Variants in FYB1 observed in about 807,000 individuals in gnomAD.
The protein encoded by FYB1 is FYN-binding protein 1.
In FYB1, 41 loss-of-function variants were observed where a neutral mutation model predicts 94.1. The observed-to-expected ratio is 0.44, with a 90% CI of 0.34 to 0.57. The LOEUF (loss-of-function observed/expected upper bound fraction) is 0.57, where lower values mean the gene tolerates loss of function less well. Among genes scored for constraint, FYB1 ranks in the 20% least tolerant of loss-of-function variants. The pLI, the probability that FYB1 is intolerant of heterozygous loss-of-function variation, is 0.02. For synonymous variants in FYB1, 367 were observed against 353.2 expected (o/e 1.04, Z -0.44); for missense variants, 1,050 against 976.8 (o/e 1.07, Z -1.00).
intron 3 of FYB1, among the ~76,000 whole-genome samples, chr5:39,147,292 C>T (rs1236277013): frequency 1.3e-5 from 2 of 150,628 alleles, no homozygotes; most frequent in Non-Finnish European, 3.0e-5. Context: ...TTTTTGGAGA[C>T]AGGATCTTAC....
At chr5:39,139,319 G>C in intron 4 of FYB1, 67 bp from the exon 5 acceptor site, 1 of 1,226,818 alleles carries the variant, frequency 8.2e-7, no homozygotes. Context: ...TAAGATTATT[G>C]GATATGATAT....
chr5:39,219,472 G>A lies in FYB1; in HGVS notation c.-57C>T. 4 of 985,540 alleles carry A rather than the reference G, an allele frequency of 4.1e-6. No individual in the cohort carries two copies. Among genetic ancestry groups the A allele is most frequent in the Non-Finnish European group, 4.8e-6 (4 of 829,948 alleles). 61.0% of individuals were successfully genotyped at this position (985,540 alleles called of 1,614,324 possible). On this transcript the variant is annotated 5_prime_UTR_variant, in exon 1 of 19. Coordinates refer to ENST00000512982, the MANE Select transcript of FYB1 (RefSeq NM_001465.6). Reference sequence around the variant, plus strand: ...CTCCTGCAGAAGAAGGCGGAAGGATGGCCTCCTTTAGTGGATCTTCCTGGG... The same window carrying A: ...CTCCTGCAGAAGAAGGCGGAAGGATAGCCTCCTTTAGTGGATCTTCCTGGG...
intron 4 of FYB1, chr5:39,139,687 T>C (rs1292746921): frequency 6.6e-6 from 1 of 152,442 alleles, no homozygotes; most frequent in Non-Finnish European, 1.5e-5. Flanking sequence ...GAGTTCAGTG[T>C]AATATCAAAA....
At chr5:39,207,546 A>G (rs189419522) in intron 1 of FYB1, among the ~76,000 whole-genome samples, 1 of 152,370 alleles carries the variant, frequency 6.6e-6, no homozygotes, top group Non-Finnish European at 1.5e-5. Context: ...TAAACAGTTA[A>G]AGGCTGAGAT....
intron 1 of FYB1, among the ~76,000 whole-genome samples, chr5:39,254,325 G>A (rs749459917): frequency 3.9e-5 from 6 of 152,086 alleles, no homozygotes; most frequent in African/African-American, 7.2e-5. Flanking sequence ...GTGTATAAGC[G>A]TTCTTTTTTC....
chr5:39,259,334 G>A (rs567814859), intron 1 of FYB1, among the ~76,000 whole-genome samples: 1 of 152,340 alleles, frequency 6.6e-6, no homozygotes, highest in Non-Finnish European at 1.5e-5. Flanking sequence ...CACAGCACCA[G>A]GAGCTAGGCC....
At chr5:39,153,681 G>A (rs1743467369) in intron 2 of FYB1, 77 bp from the exon 3 acceptor site, 1 of 1,407,750 alleles carries the variant, frequency 7.1e-7, no homozygotes, top group East Asian at 2.3e-5. Context: ...AACATAGTTG[G>A]CTACAGATAA....
At chr5:39,130,736 G>GACATTTTA in intron 9 of FYB1, 124 bp from the exon 10 acceptor site, 1 of 746,758 alleles carries the variant, frequency 1.3e-6, no homozygotes, top group Non-Finnish European at 2.3e-6. Context: ...TTCTTAGAAT[G>GACATTTTA]CTATATGTAA....
intron 1 of FYB1, among the ~76,000 whole-genome samples, chr5:39,266,706 C>T (rs1333654674): frequency 6.6e-6 from 1 of 152,138 alleles, no homozygotes; most frequent in African/African-American, 2.4e-5. Flanking sequence ...CTTTCTGGAT[C>T]CTGGGATAAA....
intron 2 of FYB1, among the ~76,000 whole-genome samples, chr5:39,185,913 A>G (rs925283001): frequency 1.3e-5 from 2 of 152,174 alleles, no homozygotes; most frequent in South Asian, 4.1e-4. Context: ...TGACTTCTAC[A>G]CAACAGAAAT....
At chr5:39,230,927 CTGAT>C (rs1043540748) in intron 1 of FYB1, among the ~76,000 whole-genome samples, 2 of 151,532 alleles carry the variant, frequency 1.3e-5, no homozygotes, top group Admixed American at 6.6e-5. Context: ...AATGGAATGA[CTGAT>C]TGTCCCAGGC....
At chr5:39,187,048 C>T (rs1208046304) in intron 2 of FYB1, among the ~76,000 whole-genome samples, 1 of 152,160 alleles carries the variant, frequency 6.6e-6, no homozygotes, top group Non-Finnish European at 1.5e-5. Flanking sequence ...AAAACTCCTA[C>T]ATTCTTCAAA....
At position 39,119,573 on chromosome 5, in the gene FYB1, G is replaced by T; in HGVS notation, c.2200C>A (p.Gln734Lys). 6.5e-7 allele frequency: 1 copy of T among 1,546,300 alleles called. No individual in the cohort carries two copies. Among genetic ancestry groups the T allele is most frequent in the Admixed American group, 2.0e-5 (1 of 49,626 alleles). ...CTGAAGTCTTTTTCTTCTTTTTCCT[G>T]CTTTTTTAGCTTCTTAAGGTCCTTT... ...EEKDLKKLKK[Q>K]EKEEKDFRKK... The change falls in exon 15 of 19, where the codon CAG becomes AAG. Residue 734 changes from glutamine (Q) to lysine (K), a missense_variant. Gln to Lys is a moderately conservative substitution (Grantham distance 53). Coordinates refer to ENST00000512982, the MANE Select transcript of FYB1 (RefSeq NM_001465.6).
intron 17 of FYB1, among the ~76,000 whole-genome samples, chr5:39,109,412 T>C (rs1250523384): frequency 6.6e-6 from 1 of 152,132 alleles, no homozygotes; most frequent in African/African-American, 2.4e-5. Context: ...TAATCACTGA[T>C]GGAGATGTTG....
chr5:39,265,978 GTTT>G (rs142472884), intron 1 of FYB1, among the ~76,000 whole-genome samples: 1 of 134,212 alleles, frequency 7.5e-6, no homozygotes, highest in Non-Finnish European at 1.6e-5. Context: ...AATTTTTACT[GTTT>G]TTTTTTTTTT....
intron 2 of FYB1, among the ~76,000 whole-genome samples, chr5:39,175,573 T>C (rs955714949): frequency 6.6e-6 from 1 of 152,210 alleles, no homozygotes; most frequent in Non-Finnish European, 1.5e-5. Flanking sequence ...AATTTAATAA[T>C]AGGCTCAACA....
In FYB1 at chr5:39,202,524, T is replaced by C. The variant is rs1174337958; in HGVS notation, c.437A>G (p.His146Arg). ...TTTCGGGCCTAGTGGCTTTAAGTCA[T>C]GGTCTTGGTTTACACTGTGAAGAGA... Reference protein sequence around the residue: ...KPSLHSVNQDHDLKPLGPKSG... With the variant: ...KPSLHSVNQDRDLKPLGPKSG... The change falls in exon 2 of 19, where the codon CAT becomes CGT. Residue 146 changes from histidine to arginine, a missense_variant. Coordinates refer to ENST00000512982, the MANE Select transcript of FYB1 (RefSeq NM_001465.6). The C allele has an allele frequency of 1.2e-6, 2 of 1,613,976 alleles. No individual in the cohort carries two copies. The highest frequency in any genetic ancestry group is 1.7e-6 in the Non-Finnish European group (2 of 1,179,884).
intron 16 of FYB1, among the ~76,000 whole-genome samples, chr5:39,116,337 A>G (rs1362824560): frequency 6.6e-6 from 1 of 152,212 alleles, no homozygotes; most frequent in Non-Finnish European, 1.5e-5. Flanking sequence ...CCCCAAAGCC[A>G]TCTAAGAATT....
intron 7 of FYB1, 149 bp downstream of exon 7, chr5:39,137,451 A>G: frequency 2.3e-6 from 2 of 882,820 alleles, no homozygotes; most frequent in Non-Finnish European, 3.3e-6. Flanking sequence ...TGTATTGGAC[A>G]AAAAAGTACT....
Sources: allele counts gnomAD v4.1 joint callset (sites outside exome capture counted in the v4.1 genomes callset), GRCh38; gene constraint gnomAD v4.1.1; transcripts MANE v1.5; gene names NCBI Gene and HGNC (gene_info 2026-07-23, HGNC 2026-07-21).